The following CRACD variants were observed in gnomAD, a reference collection of about 807,000 sequenced individuals.
CRACD encodes capping protein inhibiting regulator of actin dynamics.
In CRACD, 56 loss-of-function variants were observed where a neutral mutation model predicts 106.8. The ratio of observed to expected loss-of-function variants is 0.52; its 90% CI spans 0.42 to 0.66. The LOEUF (loss-of-function observed/expected upper bound fraction) is 0.66, where lower values mean the gene tolerates loss of function less well. CRACD is among the 30% of genes least tolerant of loss of function. The pLI is 0.00. For synonymous variants in CRACD, 754 were observed against 670.8 expected (o/e 1.12, Z -1.92); for missense variants, 1,730 against 1,623.2 (o/e 1.07, Z -1.13).
At chr4:56,273,108 G>A (rs1742457901) in intron 3 of CRACD, among the ~76,000 whole-genome samples, 1 of 152,104 alleles carries the variant, frequency 6.6e-6, no homozygotes, top group Admixed American at 6.5e-5. Flanking sequence ...GGGTTCCTCA[G>A]ATTGAAGAAG....
intron 1 of CRACD, among the ~76,000 whole-genome samples, chr4:56,155,585 GGAT>G (rs1560466280): frequency 1.3e-5 from 2 of 152,146 alleles, no homozygotes; most frequent in Non-Finnish European, 2.9e-5. Context: ...CTATCAGGTA[GGAT>G]TATTATTGCT....
At chr4:56,067,966 G>A (rs1732518760) in intron 1 of CRACD, among the ~76,000 whole-genome samples, 1 of 152,160 alleles carries the variant, frequency 6.6e-6, no homozygotes, top group Non-Finnish European at 1.5e-5. Context: ...TTGGCCAGAG[G>A]TCATTTTAGA....
chr4:56,129,690 C>T (rs897728544), intron 1 of CRACD, among the ~76,000 whole-genome samples: 1 of 152,156 alleles, frequency 6.6e-6, no homozygotes, highest in African/African-American at 2.4e-5. Context: ...AGGCACTGTG[C>T]CCGGCACTAG....
chr4:56,180,173 T>A (rs116758448), intron 2 of CRACD, among the ~76,000 whole-genome samples: 1 of 151,954 alleles, frequency 6.6e-6, no homozygotes, highest in African/African-American at 2.4e-5. Flanking sequence ...TGGGAGGCAT[T>A]CCTCATCTGC....
At chr4:56,291,084 T>C (rs1397009134) in intron 3 of CRACD, among the ~76,000 whole-genome samples, 1 of 152,218 alleles carries the variant, frequency 6.6e-6, no homozygotes, top group African/African-American at 2.4e-5. Context: ...TTTATACAGC[T>C]CTTCTCACAA....
Position 56,185,590 on chromosome 4 carries a change from C to T in CRACD, c.-189+6160C>T, listed in dbSNP as rs545615529. On this transcript the variant is annotated intron_variant, in intron 2 of 10. Coordinates refer to ENST00000682029, the MANE Select transcript of CRACD (RefSeq NM_001393381.1). The stretch of plus-strand genomic sequence containing the variant: ...GGGAATATTATCTTTCTAATTAGGA[C>T]CTCCAAAAAGAAAACCCCTTCAGAA... 5.3e-5 allele frequency among the ~76,000 whole-genome samples: 8 copies of T among 152,274 alleles called. No homozygotes were observed. The South Asian group carries it at 1.7e-3, about 32-fold the overall frequency.
chr4:56,075,377 T>C (rs1280330015), intron 1 of CRACD, among the ~76,000 whole-genome samples: 1 of 152,186 alleles, frequency 6.6e-6, no homozygotes, highest in Non-Finnish European at 1.5e-5. Context: ...TTGTTATTGG[T>C]CTATTTAGGG....
chr4:56,292,359 C>A (rs528729540), intron 3 of CRACD, among the ~76,000 whole-genome samples: 1 of 152,290 alleles, frequency 6.6e-6, no homozygotes, highest in South Asian at 2.1e-4. Flanking sequence ...GAGGACCACA[C>A]CCTAGAAGTG....
intron 1 of CRACD, among the ~76,000 whole-genome samples, chr4:56,120,899 G>A (rs1042888621): frequency 1.1e-4 from 17 of 152,246 alleles, no homozygotes; most frequent in African/African-American, 3.9e-4. Flanking sequence ...GTGATATCAC[G>A]GAATAACAGA....
chr4:56,171,150 A>G (rs1736345481), intron 1 of CRACD, among the ~76,000 whole-genome samples: 2 of 152,240 alleles, frequency 1.3e-5, no homozygotes, highest in South Asian at 2.1e-4. Context: ...CGTCTTAGAA[A>G]GACCATGATC....
At chr4:56,225,039 C>T (rs79860034) in intron 2 of CRACD, among the ~76,000 whole-genome samples, 1 of 152,196 alleles carries the variant, frequency 6.6e-6, no homozygotes, top group Non-Finnish European at 1.5e-5. Context: ...CACACTTATT[C>T]TTGCAAGGAG....
intron 1 of CRACD, among the ~76,000 whole-genome samples, chr4:56,169,017 A>C (rs1228531378): frequency 6.6e-6 from 1 of 152,194 alleles, no homozygotes; most frequent in African/African-American, 2.4e-5. Context: ...AAGGTTACAG[A>C]CTACCTTTGT....
intron 1 of CRACD, among the ~76,000 whole-genome samples, chr4:56,057,804 T>TAATAGAGATGGGGTTTCATCA (rs1354572220): frequency 8.8e-4 from 94 of 107,144 alleles, no homozygotes; most frequent in African/African-American, 1.2e-3. Flanking sequence ...TTTGTATTTT[T>TAATAGAGATGGGGTTTCATCA]TTTTTTTTTG....
At chr4:56,244,253 A>C (rs921022171) in intron 2 of CRACD, among the ~76,000 whole-genome samples, 1 of 152,002 alleles carries the variant, frequency 6.6e-6, no homozygotes, top group Non-Finnish European at 1.5e-5. Context: ...GCTGGCAATG[A>C]TGTTATGGGC....
intron 2 of CRACD, among the ~76,000 whole-genome samples, chr4:56,213,356 G>C (rs1738504024): frequency 6.6e-6 from 1 of 152,218 alleles, no homozygotes; most frequent in South Asian, 2.1e-4. Context: ...TGAGGCAGGA[G>C]AATCGCTTGA....
chr4:56,316,848 G>A (rs543628998), intron 8 of CRACD, among the ~76,000 whole-genome samples, 159 bp downstream of exon 8: 41 of 152,282 alleles, frequency 2.7e-4, no homozygotes, highest in African/African-American at 6.3e-4. Flanking sequence ...ACCGTGGGGC[G>A]CCTCAGTGAG....
chr4:56,140,800 C>T (rs1283388224), intron 1 of CRACD, among the ~76,000 whole-genome samples: 3 of 152,138 alleles, frequency 2.0e-5, no homozygotes, highest in African/African-American at 7.2e-5. Context: ...ATTTTAACAA[C>T]CACTCTTTTG....
At chr4:56,273,232 CT>C (rs1358518354) in intron 3 of CRACD, among the ~76,000 whole-genome samples, 2 of 152,092 alleles carry the variant, frequency 1.3e-5, no homozygotes, top group Non-Finnish European at 2.9e-5. Context: ...CTTCATACCC[CT>C]GGCCATCTCT....
chr4:56,078,492 A>G (rs1009300014), intron 1 of CRACD, among the ~76,000 whole-genome samples: 1 of 152,110 alleles, frequency 6.6e-6, no homozygotes, highest in African/African-American at 2.4e-5. Flanking sequence ...CTGCAGCCTC[A>G]ATCTCTTAGG....
Sources: allele counts gnomAD v4.1 joint callset (sites outside exome capture counted in the v4.1 genomes callset), GRCh38; gene constraint gnomAD v4.1.1; transcripts MANE v1.5; gene names NCBI Gene and HGNC (gene_info 2026-07-23, HGNC 2026-07-21).